Variants in NECAB2 observed in about 807,000 individuals in gnomAD.
The protein encoded by NECAB2 is N-terminal EF-hand calcium binding protein 2, also known as N-terminal EF-hand calcium-binding protein 2.
NECAB2 carries 68 observed loss-of-function variants against 51.9 expected under a neutral mutation model. That is an observed-to-expected ratio of 1.31 (90% CI 1.08 to 1.60). The LOEUF is 1.60. NECAB2 is among the 40% of genes most tolerant of loss of function. The probability of loss-of-function intolerance (pLI) is 0.00; values close to 1 mark genes in which losing one functional copy is unlikely to be tolerated. For synonymous variants in NECAB2, 329 were observed against 203.5 expected (o/e 1.62, Z -5.25); for missense variants, 854 against 490.3 (o/e 1.74, Z -7.00).
chr16:83,996,773 C>G (rs1341346763), intron 8 of NECAB2, among the ~76,000 whole-genome samples: 3 of 152,186 alleles, frequency 2.0e-5, no homozygotes, highest in Non-Finnish European at 2.9e-5. Flanking sequence ...CCGAAACTTA[C>G]AGTGGGGCAG....
chr16:84,002,188 C>A, intron 12 of NECAB2, 130 bp from the exon 13 acceptor site: 1 of 1,232,416 alleles, frequency 8.1e-7, no homozygotes, highest in East Asian at 2.3e-5. Flanking sequence ...ACCTGGGTGA[C>A]CAGCAAGGAC....
intron 6 of NECAB2, among the ~76,000 whole-genome samples, 177 bp from the exon 7 acceptor site, chr16:83,994,125 G>A (rs2084662880): frequency 6.6e-6 from 1 of 152,236 alleles, no homozygotes; most frequent in Non-Finnish European, 1.5e-5. Context: ...GGCCCTGGCT[G>A]AGTCACCTGC....
intron 2 of NECAB2, among the ~76,000 whole-genome samples, chr16:83,975,340 G>A (rs923300930): frequency 6.6e-6 from 1 of 150,818 alleles, no homozygotes; most frequent in African/African-American, 2.4e-5. Flanking sequence ...GCGGGGATGG[G>A]AACAGGTGTG....
intron 5 of NECAB2, among the ~76,000 whole-genome samples, chr16:83,982,537 A>G (rs962081976): frequency 1.3e-5 from 2 of 152,194 alleles, no homozygotes; most frequent in African/African-American, 4.8e-5. Flanking sequence ...TGAGGTCACC[A>G]TGTGCTCACA....
chr16:83,999,150 G>A (rs982335190), intron 10 of NECAB2, among the ~76,000 whole-genome samples: 1 of 152,184 alleles, frequency 6.6e-6, no homozygotes, highest in African/African-American at 2.4e-5. Context: ...GTGCACTGAG[G>A]CTTGAGTGAC....
At chr16:83,972,124 G>T (rs1461039861) in intron 1 of NECAB2, 27 bp from the exon 2 acceptor site, 1 of 1,612,916 alleles carries the variant, frequency 6.2e-7, no homozygotes, top group East Asian at 2.2e-5. Flanking sequence ...CCTGGCCCAG[G>T]GCTGACTCCG....
At chr16:83,995,457 T>A (rs138286965) in intron 8 of NECAB2, among the ~76,000 whole-genome samples, 5 of 152,086 alleles carry the variant, frequency 3.3e-5, no homozygotes, top group African/African-American at 1.2e-4. Flanking sequence ...CAAAATGATG[T>A]CTCCGGTTTA....
chr16:84,000,811 T>G lies in NECAB2; in HGVS notation c.1040+10T>G, dbSNP rs968407291. The G allele has an allele frequency of 6.2e-7, 1 of 1,613,120 alleles. No homozygotes were observed. The highest frequency in any genetic ancestry group is 8.5e-7 in the Non-Finnish European group (1 of 1,179,714). On this transcript the variant is annotated intron_variant, in intron 11 of 12. Coordinates refer to ENST00000305202, the MANE Select transcript of NECAB2 (RefSeq NM_019065.3). The stretch of plus-strand genomic sequence containing the variant: ...AGGAGGCGTGGAAGAGGTGAGATGC[T>G]GGGTCCCCACAGCAGGTGAGGGAGA...
upstream of NECAB2, among the ~76,000 whole-genome samples, chr16:83,968,142 G>A (rs1310473943): frequency 6.6e-6 from 1 of 151,502 alleles, no homozygotes; most frequent in Non-Finnish European, 1.5e-5. Flanking sequence ...AGTTAAGGAT[G>A]GGCGCCCGCG....
chr16:83,974,859 C>A (rs922947956), intron 2 of NECAB2, among the ~76,000 whole-genome samples: 1 of 151,168 alleles, frequency 6.6e-6, no homozygotes, highest in Non-Finnish European at 1.5e-5. Flanking sequence ...AGAATGAGAG[C>A]AGGTGTGCAG....
At chr16:84,000,989 G>A (rs1216928331) in intron 11 of NECAB2, among the ~76,000 whole-genome samples, 188 bp downstream of exon 11, 2 of 151,690 alleles carry the variant, frequency 1.3e-5, no homozygotes, top group Non-Finnish European at 2.9e-5. Context: ...GGTGGGTAGT[G>A]AGAGCCCCCA....
intron 6 of NECAB2, among the ~76,000 whole-genome samples, chr16:83,991,470 G>A (rs1422960888): frequency 2.1e-5 from 3 of 145,200 alleles, no homozygotes; most frequent in Admixed American, 6.9e-5. Context: ...AGGTTCAAGC[G>A]ATTCTCCTGC....
chr16:83,974,412 C>T (rs892175023), intron 2 of NECAB2, among the ~76,000 whole-genome samples: 5 of 152,202 alleles, frequency 3.3e-5, no homozygotes, highest in African/African-American at 1.2e-4. Context: ...TAAGTCCCCG[C>T]TGCTCTGCCT....
At chr16:83,969,609 C>T in intron 1 of NECAB2, among the ~76,000 whole-genome samples, 1 of 152,130 alleles carries the variant, frequency 6.6e-6, no homozygotes. Flanking sequence ...TCACCCATCT[C>T]TGGGAAGCCC....
chr16:83,999,356 G>A (rs896776149), intron 10 of NECAB2, among the ~76,000 whole-genome samples: 2 of 152,226 alleles, frequency 1.3e-5, no homozygotes, highest in East Asian at 3.9e-4. Context: ...GTGAATAAGT[G>A]GGAGGCTCCA....
At chr16:83,997,741 C>T (rs2084735136) in intron 9 of NECAB2, among the ~76,000 whole-genome samples, 1 of 152,102 alleles carries the variant, frequency 6.6e-6, no homozygotes, top group South Asian at 2.1e-4. Flanking sequence ...GATCTGCCCA[C>T]CTTGGCCTCC....
At chr16:83,996,146 C>A (rs945863284) in intron 8 of NECAB2, among the ~76,000 whole-genome samples, 1 of 152,188 alleles carries the variant, frequency 6.6e-6, no homozygotes, top group Admixed American at 6.5e-5. Flanking sequence ...TCTAGGGGCC[C>A]CTGGCTGGGA....
intron 10 of NECAB2, among the ~76,000 whole-genome samples, chr16:83,998,935 C>A (rs567204414): frequency 6.6e-6 from 1 of 152,194 alleles, no homozygotes; most frequent in African/African-American, 2.4e-5. Flanking sequence ...GAGGGGGTTG[C>A]AGAAGACAAC....
chr16:84,001,000 C>T (rs116145580), intron 11 of NECAB2, among the ~76,000 whole-genome samples, 199 bp downstream of exon 11: 2 of 151,926 alleles, frequency 1.3e-5, no homozygotes, highest in East Asian at 1.9e-4. Context: ...AGAGCCCCCA[C>T]CACACTCAGC....
Sources: gnomAD v4.1 joint callset for allele counts (sites outside exome capture counted in the v4.1 genomes callset) on GRCh38, gnomAD v4.1.1 for gene constraint, MANE v1.5 for transcripts, NCBI Gene and HGNC (gene_info 2026-07-23, HGNC 2026-07-21) for gene names.